The following IQCM variants were observed in gnomAD, a reference collection of about 807,000 sequenced individuals.
IQCM encodes the protein IQ domain-containing protein M.
IQCM carries 45 observed loss-of-function variants against 57.6 expected under a neutral mutation model. The observed-to-expected ratio is 0.78, with a 90% confidence interval of 0.62 to 1.00. The LOEUF (loss-of-function observed/expected upper bound fraction) is 1.00, where lower values mean the gene tolerates loss of function less well. Among genes scored for constraint, IQCM ranks in the 50% least tolerant of loss-of-function variants. The pLI is 0.00. For missense variants in IQCM, 468 were observed against 511.6 expected, an observed-to-expected ratio of 0.91 and a Z score of 0.82; for synonymous variants, 148 against 158.9, an observed-to-expected ratio of 0.93 and a Z score of 0.51.
intron 8 of IQCM, among the ~76,000 whole-genome samples, chr4:149,602,849 T>C (rs1754441073): frequency 6.6e-6 from 1 of 151,980 alleles, no homozygotes; most frequent in Non-Finnish European, 1.5e-5. Context: ...TGTTTTGGAA[T>C]AGAAGAAGCA....
chr4:149,553,041 A>T (rs1469543776), intron 11 of IQCM, 102 bp downstream of exon 11: 2 of 865,508 alleles, frequency 2.3e-6, no homozygotes, highest in Admixed American at 4.3e-5. Flanking sequence ...GCAATATAAC[A>T]TATAATCTAC....
chr4:149,773,610 C>T (rs1338780837), intron 2 of IQCM, among the ~76,000 whole-genome samples: 4 of 152,184 alleles, frequency 2.6e-5, no homozygotes, highest in African/African-American at 7.2e-5. Flanking sequence ...TTACATCAAA[C>T]TGTAAGATAA....
chr4:149,699,352 T>C (rs1471777456), intron 5 of IQCM, among the ~76,000 whole-genome samples: 3 of 152,014 alleles, frequency 2.0e-5, no homozygotes, highest in Non-Finnish European at 4.4e-5. Context: ...GAAAAGTGAA[T>C]TTTTACCAAG....
At chr4:149,759,894 G>C (rs1344142544) in intron 2 of IQCM, among the ~76,000 whole-genome samples, 1 of 151,954 alleles carries the variant, frequency 6.6e-6, no homozygotes, top group East Asian at 1.9e-4. Flanking sequence ...GAAATTTAAA[G>C]GAGTAAAAAT....
intron 13 of IQCM, among the ~76,000 whole-genome samples, chr4:149,423,936 T>C (rs969313996): frequency 2.0e-5 from 3 of 151,980 alleles, no homozygotes; most frequent in South Asian, 2.1e-4. Context: ...CCATATGTTA[T>C]GGCAATCTTT....
chr4:149,585,411 G>A (rs1055201043), intron 9 of IQCM, among the ~76,000 whole-genome samples: 1 of 151,470 alleles, frequency 6.6e-6, no homozygotes, highest in South Asian at 2.1e-4. Flanking sequence ...AATGGTGCAG[G>A]ATTTCAAATA....
In IQCM at chr4:149,651,677, A is replaced by G. The variant is rs568665611; in HGVS notation, c.566-30433T>C. ...AGATATGACTGATGAATGACAAAAG[A>G]AAAATGTTGCTGAGGAAAAAAAATG... is the stretch of plus-strand genomic sequence containing the variant. On this transcript the variant is annotated intron_variant, in intron 7 of 13. Transcript: ENST00000636793. Among the ~76,000 whole-genome samples the G allele has an allele frequency of 4.5e-4, 68 of 152,340 alleles. 1 individual carries two copies. The South Asian group carries it at 0.014, about 31-fold the overall frequency.
At chr4:149,616,819 G>C (rs1161132563) in intron 8 of IQCM, among the ~76,000 whole-genome samples, 1 of 151,980 alleles carries the variant, frequency 6.6e-6, no homozygotes, top group Non-Finnish European at 1.5e-5. Context: ...AGGTTGATAG[G>C]TGCAGCAAAC....
intron 10 of IQCM, among the ~76,000 whole-genome samples, chr4:149,560,817 ACT>A (rs1184077921): frequency 1.3e-5 from 2 of 152,076 alleles, no homozygotes; most frequent in South Asian, 2.1e-4. Flanking sequence ...ACAGCAACAA[ACT>A]CTGAAGTGGC....
intron 12 of IQCM, among the ~76,000 whole-genome samples, chr4:149,459,049 C>T (rs1203482054): frequency 6.6e-6 from 1 of 152,162 alleles, no homozygotes; most frequent in East Asian, 1.9e-4. Context: ...CTGAGGCTTT[C>T]AAAATATTCC....
At chr4:149,647,351 T>A in intron 7 of IQCM, among the ~76,000 whole-genome samples, 2 of 151,428 alleles carry the variant, frequency 1.3e-5, no homozygotes, top group Middle Eastern at 6.8e-3. Flanking sequence ...ATTTTTTTTT[T>A]ATTCTAAAGT....
At chr4:149,630,403 A>G (rs886347310) in intron 7 of IQCM, among the ~76,000 whole-genome samples, 1 of 152,196 alleles carries the variant, frequency 6.6e-6, no homozygotes, top group Non-Finnish European at 1.5e-5. Context: ...TAGATAGTAC[A>G]TGTTTTACAG....
intron 2 of IQCM, among the ~76,000 whole-genome samples, chr4:149,762,452 G>A (rs189066048): frequency 6.6e-6 from 1 of 152,114 alleles, no homozygotes; most frequent in East Asian, 1.9e-4. Context: ...TATTGGTAGG[G>A]AAAATAGAGG....
intron 2 of IQCM, among the ~76,000 whole-genome samples, chr4:149,782,710 T>G (rs1771724720): frequency 6.6e-6 from 1 of 150,518 alleles, no homozygotes; most frequent in Non-Finnish European, 1.5e-5. Context: ...TATCAACCAC[T>G]GTGAATCTAA....
intron 13 of IQCM, among the ~76,000 whole-genome samples, chr4:149,374,857 C>T (rs1292872744): frequency 6.6e-6 from 1 of 151,904 alleles, no homozygotes; most frequent in Non-Finnish European, 1.5e-5. Flanking sequence ...AGTTTAGGTG[C>T]TTTTACCTGA....
At chr4:149,441,197 C>T (rs886531645) in intron 12 of IQCM, among the ~76,000 whole-genome samples, 2 of 152,046 alleles carry the variant, frequency 1.3e-5, no homozygotes, top group African/African-American at 4.8e-5. Flanking sequence ...GAATGTATAA[C>T]AGAAACAATA....
chr4:149,682,254 G>T (rs1333708723), intron 6 of IQCM, 48 bp from the exon 7 acceptor site: 1 of 795,476 alleles, frequency 1.3e-6, no homozygotes, highest in Non-Finnish European at 1.7e-6. Context: ...TCCCTATTTT[G>T]TAATACAAAT....
At chr4:149,655,271 G>C (rs536684011) in intron 7 of IQCM, among the ~76,000 whole-genome samples, 13 of 152,160 alleles carry the variant, frequency 8.5e-5, no homozygotes, top group African/African-American at 3.1e-4. Context: ...TTATTTTCCT[G>C]ACAGAGTACA....
At chr4:149,686,105 C>G (rs1320715592) in intron 6 of IQCM, among the ~76,000 whole-genome samples, 1 of 151,242 alleles carries the variant, frequency 6.6e-6, no homozygotes, top group Non-Finnish European at 1.5e-5. Flanking sequence ...TTTTTTTCCC[C>G]AGGAAAGCCA....
Sources: allele counts gnomAD v4.1 joint callset (sites outside exome capture counted in the v4.1 genomes callset), GRCh38; gene constraint gnomAD v4.1.1; transcripts MANE v1.5; gene names NCBI Gene and HGNC (gene_info 2026-07-23, HGNC 2026-07-21).